Variants in DOP1B observed in about 807,000 individuals in gnomAD.
DOP1B encodes protein DOP1B.
Under a neutral mutation model 233.5 loss-of-function variants are expected in DOP1B, and 174 were observed. That is an observed-to-expected ratio of 0.75 (90% CI 0.66 to 0.85). The LOEUF is 0.85. Among genes scored for constraint, DOP1B ranks in the 40% least tolerant of loss-of-function variants. DOP1B has a pLI of 0.00. For missense variants in DOP1B, 2,652 were observed against 2,846.6 expected (o/e 0.93, Z 1.56); for synonymous variants, 1,190 against 1,185.6 (o/e 1.00, Z -0.08).
rs1404208080 is a variant in DOP1B at position 36,278,291 on chromosome 21, A to C, written c.5905A>C (p.Arg1969=). ...SGYAYTKRAW[R]KEVLELFLDP... is the part of the protein sequence containing the mutation. ...CTATGCCTACACAAAGCGAGCCTGG[A>C]GGAAGGAGGTCCTGGAGCTGTTTCT... The change falls in exon 30 of 37, where the codon AGG becomes CGG. Residue 1969 remains arginine (R), a synonymous_variant. Transcript: ENST00000691173. The C allele has an allele frequency of 6.2e-7, 1 of 1,614,118 alleles. No homozygotes were observed. The highest frequency in any genetic ancestry group is 1.1e-5 in the South Asian group (1 of 91,088).
At chr21:36,178,726 A>G (rs2066060655) in intron 2 of DOP1B, among the ~76,000 whole-genome samples, 1 of 152,264 alleles carries the variant, frequency 6.6e-6, no homozygotes, top group African/African-American at 2.4e-5. Flanking sequence ...ACCAACATTC[A>G]AGCTTGTATT....
intron 9 of DOP1B, among the ~76,000 whole-genome samples, chr21:36,218,992 T>C (rs2066593561): frequency 6.6e-6 from 1 of 152,248 alleles, no homozygotes; most frequent in Non-Finnish European, 1.5e-5. Flanking sequence ...ACACGTAGTC[T>C]GCGCTCTGCC....
chr21:36,187,276 G>A (rs1247333235), intron 2 of DOP1B, among the ~76,000 whole-genome samples: 1 of 105,552 alleles, frequency 9.5e-6, no homozygotes, highest in Non-Finnish European at 1.8e-5. Flanking sequence ...CATCGTCTGT[G>A]GGGAGAATGA....
intron 2 of DOP1B, among the ~76,000 whole-genome samples, chr21:36,185,459 T>C (rs879891563): frequency 3.9e-5 from 6 of 152,200 alleles, no homozygotes; most frequent in Non-Finnish European, 7.3e-5. Context: ...ATTATATGCT[T>C]GCCACCATTG....
chr21:36,281,578 G>T lies in DOP1B; in HGVS notation c.6127G>T (p.Asp2043Tyr). The T allele has an allele frequency of 6.2e-7, 1 of 1,606,622 alleles. No homozygotes were observed. Among genetic ancestry groups the T allele is most frequent in the South Asian group, 1.1e-5 (1 of 90,756 alleles). ...QAFAVFSGEL[D>Y]QYHLYLPLIQ... The stretch of plus-strand genomic sequence containing the variant: ...TTTTGCTGTCTTCAGTGGAGAACTT[G>T]ATCAATACCACCTTTACCTTCCACT... The change falls in exon 32 of 37, where the codon GAT (aspartate) becomes TAT (tyrosine). Residue 2043 changes from aspartate to tyrosine, a missense_variant. Around this residue, in one of 3 missense-constraint regions of DOP1B, gnomAD observed 2,617 missense variants for 2,794.3 expected, o/e 0.94. Coordinates refer to ENST00000691173, the MANE Select transcript of DOP1B (RefSeq NM_001320714.2).
At chr21:36,210,236 G>A (rs145884812) in intron 5 of DOP1B, among the ~76,000 whole-genome samples, 45 of 152,122 alleles carry the variant, frequency 3.0e-4, no homozygotes, top group African/African-American at 1.1e-3. Context: ...GGCTGGGTGC[G>A]GTGACTCATG....
intron 2 of DOP1B, among the ~76,000 whole-genome samples, chr21:36,177,022 A>T (rs2284623): frequency 0.37 from 55,639 of 151,990 alleles, 10,188 homozygotes; most frequent in Admixed American, 0.42. Flanking sequence ...GGGTTTCGCC[A>T]GACTGGTCTT....
intron 2 of DOP1B, among the ~76,000 whole-genome samples, chr21:36,196,292 G>C (rs1486494661): frequency 6.6e-6 from 1 of 152,234 alleles, no homozygotes; most frequent in Non-Finnish European, 1.5e-5. Flanking sequence ...TTGTTAGCCT[G>C]TGATCAGTAA....
At chr21:36,214,239 C>G (rs770551849) in intron 8 of DOP1B, 49 bp downstream of exon 8, 5 of 1,499,570 alleles carry the variant, frequency 3.3e-6, no homozygotes, top group Middle Eastern at 3.5e-4. Flanking sequence ...TGACGATTCT[C>G]CAGTGGATTT....
chr21:36,222,947 C>G (rs540332586), intron 10 of DOP1B, among the ~76,000 whole-genome samples: 5 of 152,190 alleles, frequency 3.3e-5, no homozygotes, highest in Admixed American at 2.6e-4. Flanking sequence ...GTTGGTCAAG[C>G]TGGTGCACCC....
intron 1 of DOP1B, among the ~76,000 whole-genome samples, chr21:36,158,922 G>T (rs8129254): frequency 2.0e-5 from 3 of 151,936 alleles, no homozygotes; most frequent in African/African-American, 7.3e-5. Flanking sequence ...TACGTCAGGA[G>T]TTTGAGACCA....
At chr21:36,184,318 C>G (rs983815098) in intron 2 of DOP1B, among the ~76,000 whole-genome samples, 1 of 151,630 alleles carries the variant, frequency 6.6e-6, no homozygotes, top group East Asian at 1.9e-4. Context: ...CAGAGTGCTG[C>G]GATTACAGGT....
At chr21:36,168,891 T>G in intron 2 of DOP1B, 1 of 458,158 alleles carries the variant, frequency 2.2e-6, no homozygotes, top group Non-Finnish European at 3.9e-6. Flanking sequence ...TCTCTCCCTG[T>G]GGGTTTTTTT....
intron 26 of DOP1B, 68 bp downstream of exon 26, chr21:36,263,882 T>G: frequency 1.4e-6 from 2 of 1,431,394 alleles, no homozygotes; most frequent in Non-Finnish European, 9.8e-7. Context: ...TTGGGGGATA[T>G]CAGATAGCAG....
rs56725433 is a variant in DOP1B, at chr21:36,204,658, A to AT, written c.492-4041dup. ...GCCACCCCTTTTGGCTGACATTTCT[A>AT]TTTTTTTTTTTTTTTTGAGACAGTC... On this transcript the variant is annotated intron_variant, in intron 4 of 36. Transcript: ENST00000691173. 3.0e-3 allele frequency among the ~76,000 whole-genome samples: 350 copies of AT among 115,154 alleles called. 9 individuals are homozygous for AT. Among genetic ancestry groups the AT allele is most frequent in the South Asian group, 0.023 (84 of 3,640 alleles). The allele number at this position is 115,154 out of a possible 152,430, so 75.5% of individuals were successfully genotyped here.
intron 2 of DOP1B, among the ~76,000 whole-genome samples, chr21:36,176,097 C>CGCGTGTGTGTGTGTGTGTGTGTGT (rs1555886145): frequency 7.1e-6 from 1 of 141,744 alleles, no homozygotes; most frequent in South Asian, 2.3e-4. Context: ...GGTGTGTGTG[C>CGCGTGTGTGTGTGTGTGTGTGTGT]GTGTGTGTGT....
chr21:36,285,716 T>C (rs1458848047), intron 32 of DOP1B, among the ~76,000 whole-genome samples: 2 of 151,738 alleles, frequency 1.3e-5, no homozygotes, highest in Non-Finnish European at 2.9e-5. Flanking sequence ...TTGGGCCCAA[T>C]TAAAAGAGGC....
chr21:36,262,904 AAAAT>A (rs566753087), intron 24 of DOP1B, among the ~76,000 whole-genome samples: 42 of 143,766 alleles, frequency 2.9e-4, no homozygotes, highest in South Asian at 6.6e-4. Flanking sequence ...AAACAATAAT[AAAAT>A]AAATAAATAA....
At chr21:36,197,374 T>C (rs1011335104) in intron 2 of DOP1B, among the ~76,000 whole-genome samples, 1 of 152,132 alleles carries the variant, frequency 6.6e-6, no homozygotes, top group African/African-American at 2.4e-5. Context: ...GGTGGGATCG[T>C]AGTGTTTGCG....
Sources: allele counts gnomAD v4.1 joint callset (sites outside exome capture counted in the v4.1 genomes callset), GRCh38; gene constraint gnomAD v4.1.1; regional missense constraint gnomAD v4.1.1; transcripts MANE v1.5; gene names NCBI Gene and HGNC (gene_info 2026-07-23, HGNC 2026-07-21).